P4HA3: variants seen among roughly 807,000 people sequenced by gnomAD.
The protein encoded by P4HA3 is prolyl 4-hydroxylase subunit alpha-3.
Under a neutral mutation model 66.7 loss-of-function variants are expected in P4HA3, and 60 were observed. The ratio of observed to expected loss-of-function variants is 0.90; its 90% CI spans 0.73 to 1.12. The LOEUF (loss-of-function observed/expected upper bound fraction) is 1.12. P4HA3 is among the 50% of genes most tolerant of loss of function. The probability of loss-of-function intolerance (pLI) is 0.00; values close to 1 mark genes in which losing one functional copy is unlikely to be tolerated. For synonymous variants in P4HA3, 263 were observed against 274.6 expected, an observed-to-expected ratio of 0.96 and a Z score of 0.42; for missense variants, 683 against 685.8, an observed-to-expected ratio of 1.00 and a Z score of 0.05.
intron 5 of P4HA3, among the ~76,000 whole-genome samples, chr11:74,287,568 T>C (rs1052281975): frequency 1.3e-5 from 2 of 152,230 alleles, no homozygotes; most frequent in Non-Finnish European, 2.9e-5. Flanking sequence ...CATGTGTTTG[T>C]AGATACACAG....
intron 3 of P4HA3, 54 bp from the exon 4 acceptor site, chr11:74,298,415 A>G: frequency 6.4e-7 from 1 of 1,563,822 alleles, no homozygotes; most frequent in Non-Finnish European, 8.7e-7. Context: ...GTAGAAAAAG[A>G]AAATGACAAT....
chr11:74,309,191 A>G lies in P4HA3; in HGVS notation c.200+2221T>C, dbSNP rs548518468. On this transcript the variant is annotated intron_variant, in intron 1 of 12. Coordinates refer to ENST00000331597, the MANE Select transcript of P4HA3 (RefSeq NM_182904.5). ...GCTACCTATTAGATTTATTAATACA[A>G]TCTTGAGTGAGCAACTAGACTTTAG... Among the ~76,000 whole-genome samples, 4 of 152,368 alleles carry G rather than the reference A, an allele frequency of 2.6e-5. No homozygotes were observed. The South Asian group carries it at 8.3e-4, about 32-fold the overall frequency.
chr11:74,300,945 A>C (rs1861387692), intron 3 of P4HA3, among the ~76,000 whole-genome samples: 1 of 152,218 alleles, frequency 6.6e-6, no homozygotes, highest in South Asian at 2.1e-4. Flanking sequence ...AATAAAAAGA[A>C]ATAAACTACT....
chr11:74,304,442 TC>T (rs765767034), intron 1 of P4HA3, 30 bp from the exon 2 acceptor site: 4 of 1,612,368 alleles, frequency 2.5e-6, no homozygotes, highest in East Asian at 2.2e-5. Flanking sequence ...TGATCTCACC[TC>T]CTGATACAAC....
intron 7 of P4HA3, among the ~76,000 whole-genome samples, chr11:74,280,267 C>A (rs548567787): frequency 1.3e-5 from 2 of 152,184 alleles, no homozygotes; most frequent in Admixed American, 1.3e-4. Context: ...AATCCTCCCA[C>A]CTCAGCCTCC....
At chr11:74,283,570 G>A (rs774360287) in intron 7 of P4HA3, among the ~76,000 whole-genome samples, 5 of 152,168 alleles carry the variant, frequency 3.3e-5, no homozygotes, top group Non-Finnish European at 7.3e-5. Flanking sequence ...GCTGCCTACA[G>A]GATAAAATCC....
rs112336119 is a variant in P4HA3, at chr11:74,303,873, G to A, written c.343+397C>T. Among the ~76,000 whole-genome samples the A allele has an allele frequency of 3.9e-4, 60 of 152,044 alleles. 1 individual carries two copies. Among genetic ancestry groups the A allele is most frequent in the African/African-American group, 1.4e-3 (58 of 41,396 alleles). On this transcript the variant is annotated intron_variant, in intron 2 of 12. Coordinates refer to ENST00000331597, the MANE Select transcript of P4HA3 (RefSeq NM_182904.5). The stretch of plus-strand genomic sequence containing the variant: ...TGCTGCAATACAGGTGTGAGCCACC[G>A]CGCCTGGCCGTCAACAAACTTCTTA...
rs1308670716 is a variant in P4HA3 at position 74,298,266 on chromosome 11, C to T, written c.663G>A (p.Glu221=). The change falls in exon 4 of 13, where the codon GAG becomes GAA. Residue 221 remains glutamate (E), a synonymous_variant. Transcript: ENST00000331597. ...AGGCATCTTCTAGACTTGCCTCATC[C>T]TCTGTCTTCCACTCTCCGTAAGATC... ...FRGSYGEWKT[E]DEASLEDALD... 1 of 1,614,112 alleles carries T rather than the reference C, an allele frequency of 6.2e-7. No homozygotes were observed. The highest frequency in any genetic ancestry group is 1.3e-5 in the African/African-American group (1 of 75,038).
At chr11:74,270,214 T>G (rs1232809763) in intron 10 of P4HA3, among the ~76,000 whole-genome samples, 2 of 152,226 alleles carry the variant, frequency 1.3e-5, no homozygotes, top group Admixed American at 1.3e-4. Context: ...ACCACTAAAT[T>G]AATCTCACAA....
At chr11:74,286,202 C>A (rs745529268) in intron 6 of P4HA3, 26 bp downstream of exon 6, 8 of 1,607,116 alleles carry the variant, frequency 5.0e-6, no homozygotes, top group Non-Finnish European at 6.8e-6. Context: ...GCCTCTCCCC[C>A]TTTCTCTTTC....
downstream of P4HA3, among the ~76,000 whole-genome samples, chr11:74,262,230 A>G (rs1222776873): frequency 6.6e-6 from 1 of 152,136 alleles, no homozygotes; most frequent in Non-Finnish European, 1.5e-5. Context: ...CATTCCTTTG[A>G]GATAATCCTT....
intron 15 of P4HA3, chr11:74,251,431 C>T: frequency 7.1e-7 from 1 of 1,399,584 alleles, no homozygotes; most frequent in South Asian, 1.7e-5. Context: ...TCACGTCATT[C>T]CTCTTGAGCT....
At chr11:74,274,109 A>G (rs1860304389) in intron 9 of P4HA3, among the ~76,000 whole-genome samples, 1 of 152,074 alleles carries the variant, frequency 6.6e-6, no homozygotes, top group African/African-American at 2.4e-5. Context: ...AGTTTAGAAC[A>G]CAGAACACTT....
rs1565403033 is a variant in P4HA3, at chr11:74,267,333, G to T, written c.1565-15C>A. 6.2e-7 allele frequency: 1 copy of T among 1,613,298 alleles called. No homozygotes were observed. On this transcript the variant is annotated splice_polypyrimidine_tract_variant and intron_variant, in intron 12 of 12. Transcript: ENST00000331597. Reference sequence around the variant, plus strand: ...CTTGTTGGCCACTGGGAGAGAACAGGGAAGAAGGAGACAGCAGGCTCAGCA... The same window carrying T: ...CTTGTTGGCCACTGGGAGAGAACAGTGAAGAAGGAGACAGCAGGCTCAGCA...
At chr11:74,278,981 A>C (rs1335937989) in intron 8 of P4HA3, among the ~76,000 whole-genome samples, 1 of 152,136 alleles carries the variant, frequency 6.6e-6, no homozygotes, top group Non-Finnish European at 1.5e-5. Flanking sequence ...TCAGGGCCAG[A>C]GTCTATTTGT....
chr11:74,269,620 A>G, intron 11 of P4HA3, 32 bp downstream of exon 11: 2 of 1,603,946 alleles, frequency 1.2e-6, no homozygotes, highest in African/African-American at 1.3e-5. Flanking sequence ...CACTCCCTCA[A>G]CCCCGTCTTC....
chr11:74,251,702 G>A lies in P4HA3; in HGVS notation c.*1319-3701C>T, dbSNP rs770001714. 1.7e-5 allele frequency: 28 copies of A among 1,613,852 alleles called. No individual in the cohort carries two copies. In the Middle Eastern group the frequency reaches 4.9e-4, roughly 28 times the overall value. On this transcript the variant is annotated intron_variant and NMD_transcript_variant, in intron 15 of 15. Coordinates refer to the P4HA3 transcript ENST00000524388. The stretch of plus-strand genomic sequence containing the variant: ...CCGGCACAGGTTTGCAGAACCCATC[G>A]GTGGATTCCAGTGGTAAGGCGGGTA...
chr11:74,309,817 C>T (rs905655979), intron 1 of P4HA3, among the ~76,000 whole-genome samples: 1 of 152,334 alleles, frequency 6.6e-6, no homozygotes, highest in Admixed American at 6.5e-5. Context: ...TACTTAAGGA[C>T]AAGCACCACA....
At chr11:74,309,460 A>G (rs1051002615) in intron 1 of P4HA3, among the ~76,000 whole-genome samples, 11 of 152,198 alleles carry the variant, frequency 7.2e-5, no homozygotes, top group Non-Finnish European at 1.6e-4. Context: ...AACCTGAAAG[A>G]CCAGCAGGGG....
Sources: allele counts gnomAD v4.1 joint callset (sites outside exome capture counted in the v4.1 genomes callset), GRCh38; gene constraint gnomAD v4.1.1; transcripts MANE v1.5; gene names NCBI Gene and HGNC (gene_info 2026-07-23, HGNC 2026-07-21).